The following FHOD1 variants were observed in gnomAD, a reference collection of about 807,000 sequenced individuals.
FHOD1 encodes FH1/FH2 domain-containing protein 1.
Under a neutral mutation model 111.6 loss-of-function variants are expected in FHOD1, and 89 were observed. The ratio of observed to expected loss-of-function variants is 0.80; its 90% confidence interval spans 0.67 to 0.95. The LOEUF is 0.95. FHOD1 is among the 40% of genes least tolerant of loss of function. The pLI, the probability that FHOD1 is intolerant of heterozygous loss-of-function variation, is 0.00. For synonymous variants in FHOD1, 618 were observed against 639.0 expected (o/e 0.97, Z 0.50); for missense variants, 1,446 against 1,554.2 (o/e 0.93, Z 1.17).
chr16:67,229,999 G>A lies in FHOD1; in HGVS notation c.3215-9C>T. ...GCTGCTCTGGACCATGCCTGAGGAAGGCCAGATAGCAAAGTCAGGCCAAGG... is the reference window on the plus strand; with the variant it reads ...GCTGCTCTGGACCATGCCTGAGGAAAGCCAGATAGCAAAGTCAGGCCAAGG... On this transcript the variant is annotated splice_polypyrimidine_tract_variant and intron_variant, in intron 20 of 21. Coordinates refer to ENST00000258201, the MANE Select transcript of FHOD1 (RefSeq NM_013241.3). The A allele has an allele frequency of 2.5e-6, 4 of 1,613,434 alleles. No homozygotes were observed. The South Asian group carries it at 3.3e-5, about 13-fold the overall frequency.
At position 67,238,591 on chromosome 16, in the gene FHOD1, C is replaced by T. The variant is rs539367093; in HGVS notation, c.374-144G>A. The stretch of plus-strand genomic sequence containing the variant: ...ACAGGGTCTCACTCTGTCACTCAGG[C>T]TGGAGTGTGGAGTGCAGTGGCACAG... On this transcript the variant is annotated intron_variant, in intron 3 of 21. Transcript: ENST00000258201. The surrounding 1 kb of genome is among the most constrained non-coding windows in gnomAD (Gnocchi z 4.2). 1,111 of 847,180 alleles carry T rather than the reference C, an allele frequency of 1.3e-3. 4 individuals carry two copies. The highest frequency in any genetic ancestry group is 3.4e-3 in the Middle Eastern group (12 of 3,546). 52.5% of individuals were successfully genotyped at this position (847,180 alleles called of 1,614,324 possible).
At chr16:67,241,114 A>ACG in intron 1 of FHOD1, among the ~76,000 whole-genome samples, 1 of 83,266 alleles carries the variant, frequency 1.2e-5, no homozygotes, top group Non-Finnish European at 2.2e-5. Context: ...CCCTTGGATG[A>ACG]CCCCCCCCCC....
intron 12 of FHOD1, 24 bp downstream of exon 12, chr16:67,234,333 C>T: frequency 6.2e-7 from 1 of 1,607,720 alleles, no homozygotes; most frequent in Non-Finnish European, 8.5e-7. Context: ...CAGGCAGGCT[C>T]TGCCTGCTCA....
intron 11 of FHOD1, among the ~76,000 whole-genome samples, chr16:67,234,972 C>G (rs576500908): frequency 3.9e-5 from 6 of 152,310 alleles, no homozygotes; most frequent in African/African-American, 1.4e-4. Flanking sequence ...GTTGTTCAGG[C>G]TGGCCTTGAA....
At chr16:67,234,512 C>T (rs368067968) in intron 11 of FHOD1, 40 bp from the exon 12 acceptor site, 19 of 1,524,730 alleles carry the variant, frequency 1.2e-5, no homozygotes, top group Middle Eastern at 2.2e-4. Flanking sequence ...TCTGACACAC[C>T]CCAGCCCAGG....
Position 67,246,977 on chromosome 16 carries a change from G to T in FHOD1, c.201+233C>A. 3 of 536,490 alleles carry T rather than the reference G, an allele frequency of 5.6e-6. No individual in the cohort carries two copies. In the East Asian group the frequency reaches 1.0e-4, roughly 18 times the overall value. 33.2% of individuals were successfully genotyped at this position (536,490 alleles called of 1,614,324 possible). A position where few individuals can be genotyped will look rare whatever the true frequency, so the allele number is the denominator to read the frequency against. On this transcript the variant is annotated intron_variant, in intron 1 of 21. Coordinates refer to ENST00000258201, the MANE Select transcript of FHOD1 (RefSeq NM_013241.3). ...GCACCTCCCCAGGTGCGCCTAATTC[G>T]AAGGGCAGTCAGAATGGCGGAGCCA...
chr16:67,246,387 T>TGCGGGGG (rs1440204814), intron 1 of FHOD1, among the ~76,000 whole-genome samples: 1 of 152,112 alleles, frequency 6.6e-6, no homozygotes, highest in African/African-American at 2.4e-5. Context: ...AAGGGCTGCC[T>TGCGGGGG]GCGGGGGGCT....
At chr16:67,246,167 C>A (rs374566313) in intron 1 of FHOD1, among the ~76,000 whole-genome samples, 4 of 152,208 alleles carry the variant, frequency 2.6e-5, no homozygotes, top group African/African-American at 9.6e-5. Flanking sequence ...GGAATGCGGG[C>A]TGGGGGCCCG....
chr16:67,241,892 CAA>C (rs1187485023), intron 1 of FHOD1, among the ~76,000 whole-genome samples: 2 of 152,196 alleles, frequency 1.3e-5, no homozygotes, highest in East Asian at 3.8e-4. Context: ...GCTGTAATCC[CAA>C]GAGAGCAGAG....
rs1214633722 is a variant in FHOD1, at chr16:67,247,395, C to T, written c.16G>A (p.Asp6Asn). 5 of 1,612,694 alleles carry T rather than the reference C, an allele frequency of 3.1e-6. No individual in the cohort carries two copies. Among genetic ancestry groups the T allele is most frequent in the South Asian group, 2.2e-5 (2 of 91,058 alleles). ...GATACCGGCTCTCCGTCCCCGCGGT[C>T]TTCCCCGCCCGCCATGGCTCTGCGG... MAGGE[D>N]RGDGEPVSVV... The change falls in exon 1 of 22, where the codon GAC becomes AAC. Residue 6 changes from aspartate (D) to asparagine (N), a missense_variant. By Grantham distance (23) the Asp-to-Asn change is conservative (BLOSUM62 1). Around this residue, in one of 3 missense-constraint regions of FHOD1, gnomAD observed 127 missense variants for 118.0 expected, o/e 1.08. Transcript: ENST00000258201.
At position 67,231,908 on chromosome 16, in the gene FHOD1, AG is replaced by A; in HGVS notation, c.2203-90del. The A allele has an allele frequency of 6.5e-7, 1 of 1,535,996 alleles. No individual in the cohort carries two copies. Among genetic ancestry groups the A allele is most frequent in the Non-Finnish European group, 8.8e-7 (1 of 1,134,024 alleles). Reference sequence around the variant, plus strand: ...TCTTGACCCCTCAGTCATCTAGGGGAGGCCCCAGTGTCTGGGGACTGCCCTG... The same window carrying A: ...TCTTGACCCCTCAGTCATCTAGGGGAGCCCCAGTGTCTGGGGACTGCCCTG... On this transcript the variant is annotated intron_variant, in intron 14 of 21. Coordinates refer to ENST00000258201, the MANE Select transcript of FHOD1 (RefSeq NM_013241.3). The surrounding 1 kb of genome is among the most constrained non-coding windows in gnomAD (Gnocchi z 4.3).
intron 1 of FHOD1, among the ~76,000 whole-genome samples, chr16:67,244,916 G>A (rs1178669795): frequency 6.6e-6 from 1 of 152,138 alleles, no homozygotes; most frequent in African/African-American, 2.4e-5. Flanking sequence ...CTGTGACTCT[G>A]GGGCACCCAC....
intron 11 of FHOD1, 56 bp from the exon 12 acceptor site, chr16:67,234,528 A>C (rs953240975): frequency 6.8e-7 from 1 of 1,468,058 alleles, no homozygotes; most frequent in African/African-American, 1.4e-5. Context: ...CCAGGTGTAC[A>C]TGCCTTGCTG....
intron 13 of FHOD1, among the ~76,000 whole-genome samples, chr16:67,232,946 G>A (rs533810608): frequency 6.6e-5 from 10 of 151,844 alleles, no homozygotes; most frequent in African/African-American, 1.4e-4. Context: ...TAGTAGAGAC[G>A]GGGTTTCACC....
Position 67,229,400 on chromosome 16 carries a change from A to G in FHOD1, c.*236T>C. 1.7e-6 allele frequency: 1 copy of G among 596,362 alleles called. No individual in the cohort carries two copies. Among genetic ancestry groups the G allele is most frequent in the Non-Finnish European group, 2.9e-6 (1 of 339,018 alleles). 36.9% of individuals were successfully genotyped at this position (596,362 alleles called of 1,614,324 possible). On this transcript the variant is annotated 3_prime_UTR_variant, in exon 22 of 22. Coordinates refer to ENST00000258201, the MANE Select transcript of FHOD1 (RefSeq NM_013241.3). Reference sequence around the variant, plus strand: ...AGAAGAGAAACCTGTTGGATTAGCTAAGAAAATTTTATTTTGCTCCGTGCG... The same window carrying G: ...AGAAGAGAAACCTGTTGGATTAGCTGAGAAAATTTTATTTTGCTCCGTGCG...
In FHOD1 at chr16:67,237,549, G is replaced by A; in HGVS notation, c.775C>T (p.Leu259=). 6.2e-7 allele frequency: 1 copy of A among 1,614,194 alleles called. No individual in the cohort carries two copies. Among genetic ancestry groups the A allele is most frequent in the South Asian group, 1.1e-5 (1 of 91,086 alleles). The change falls in exon 8 of 22, where the codon CTG becomes TTG. Residue 259 remains leucine (L), a synonymous_variant. Coordinates refer to ENST00000258201, the MANE Select transcript of FHOD1 (RefSeq NM_013241.3). The surrounding 1 kb of genome is among the most constrained non-coding windows in gnomAD (Gnocchi z 5.6). ...STTGAPPWAN[L]VSILEEKNGA... ...TTCTTCTCCTCCAGGATGGACACCA[G>A]ATTGGCCCAGGGAGGAGCACCTGCC... is the stretch of plus-strand genomic sequence containing the variant.
chr16:67,237,201 T>A lies in FHOD1; in HGVS notation c.993+38A>T. On this transcript the variant is annotated intron_variant, in intron 9 of 21. Transcript: ENST00000258201. This position sits in a 1 kb window ranked among gnomAD's most constrained non-coding sequence, Gnocchi z 5.6. The stretch of plus-strand genomic sequence containing the variant: ...CTGGGGACTGCGCTTCTCTCTTCCC[T>A]CTTTCCAATCCGCCTCAGAGCGTAA... The A allele has an allele frequency of 1.2e-6, 2 of 1,606,594 alleles. No homozygotes were observed. Among genetic ancestry groups the A allele is most frequent in the Admixed American group, 1.7e-5 (1 of 59,646 alleles).
intron 1 of FHOD1, among the ~76,000 whole-genome samples, chr16:67,244,210 C>A (rs945852339): frequency 9.2e-5 from 14 of 152,152 alleles, no homozygotes; most frequent in Admixed American, 2.0e-4. Flanking sequence ...TCCCCCTACC[C>A]GGAGCTCAGG....
At position 67,236,965 on chromosome 16, in the gene FHOD1, C is replaced by T; in HGVS notation, c.1142+1G>A. ...TCCCATCTACAGATGCTCGTACTTACCCAGGTTCCGGGGCACGCGCGGGGC... is the reference window on the plus strand; with the variant it reads ...TCCCATCTACAGATGCTCGTACTTATCCAGGTTCCGGGGCACGCGCGGGGC... On this transcript the variant is annotated splice_donor_variant, in intron 10 of 21. Transcript: ENST00000258201. LOFTEE classifies it high-confidence loss of function. The T allele has an allele frequency of 6.3e-7, 1 of 1,581,130 alleles. No individual in the cohort carries two copies. The highest frequency in any genetic ancestry group is 8.6e-7 in the Non-Finnish European group (1 of 1,165,380).
Sources: allele counts gnomAD v4.1 joint callset (sites outside exome capture counted in the v4.1 genomes callset), GRCh38; gene constraint gnomAD v4.1.1; regional missense constraint gnomAD v4.1.1; non-coding constraint Gnocchi (gnomAD v3.1); transcripts MANE v1.5; gene names NCBI Gene and HGNC (gene_info 2026-07-23, HGNC 2026-07-21).